The following CHCHD6 variants were observed in gnomAD, a reference collection of about 807,000 sequenced individuals.
The protein encoded by CHCHD6 is MICOS complex subunit MIC25.
A neutral mutation model predicts 32.3 loss-of-function variants in CHCHD6; 28 were observed. That is an observed-to-expected ratio of 0.87 (90% CI 0.64 to 1.19). The LOEUF is 1.19. Ranked by LOEUF, CHCHD6 falls within the 50% of genes most tolerant of loss-of-function variation. CHCHD6 has a pLI of 0.00. For missense variants in CHCHD6, 333 were observed against 307.0 expected (o/e 1.08, Z -0.63); for synonymous variants, 122 against 117.5 (o/e 1.04, Z -0.25).
At chr3:126,775,830 C>G (rs560871329) in intron 4 of CHCHD6, among the ~76,000 whole-genome samples, 1 of 152,182 alleles carries the variant, frequency 6.6e-6, no homozygotes, top group Non-Finnish European at 1.5e-5. Flanking sequence ...CAGAACTGTT[C>G]CGGTAAAGGA....
At chr3:126,852,573 GT>G in intron 4 of CHCHD6, 73 bp from the exon 5 acceptor site, 1 of 1,033,888 alleles carries the variant, frequency 9.7e-7, no homozygotes. Flanking sequence ...AGAAATGTCC[GT>G]CGCCTTCTCC....
rs72982814 is a variant in CHCHD6, at chr3:126,935,037, C to T, written c.566+20287C>T. 2.5e-4 allele frequency: 164 copies of T among 647,122 alleles called. No individual in the cohort carries two copies. In the African/African-American group the frequency reaches 3.0e-3, roughly 12 times the overall value. The allele number at this position is 647,122 out of a possible 1,614,324, so 40.1% of individuals were successfully genotyped here. On this transcript the variant is annotated intron_variant, in intron 6 of 7. Transcript: ENST00000290913. ...ATGAAACAGTTCCATTTTAAAGACA[C>T]GTCTAATCAGAGTTGGGAATCGTTT... is the stretch of plus-strand genomic sequence containing the variant.
At position 126,949,583 on chromosome 3, in the gene CHCHD6, CCCGGA is replaced by C. The variant is rs1411835390; in HGVS notation, c.567-7831_567-7827del. ...CCGTGGACGGAAGGGAAGGCTGCTG[CCCGGA>C]CTGCCGCCGTGGACGGAAGGGAAGG... On this transcript the variant is annotated intron_variant, in intron 6 of 7. Transcript: ENST00000290913. The C allele has an allele frequency of 9.3e-4, 156 of 167,260 alleles. 2 individuals are homozygous for C. The highest frequency in any genetic ancestry group is 3.0e-3 in the Admixed American group (44 of 14,450). The allele number at this position is 167,260 out of a possible 1,614,324, so 10.4% of individuals were successfully genotyped here. A position where few individuals can be genotyped will look rare whatever the true frequency, so the allele number is the denominator to read the frequency against.
chr3:126,913,180 G>A (rs889486938), intron 5 of CHCHD6, among the ~76,000 whole-genome samples: 5 of 140,888 alleles, frequency 3.5e-5, no homozygotes, highest in Non-Finnish European at 6.1e-5. Context: ...TCTGTAGAAC[G>A]GGGATAATCA....
intron 4 of CHCHD6, among the ~76,000 whole-genome samples, chr3:126,833,699 C>G (rs934806022): frequency 2.0e-5 from 3 of 152,124 alleles, no homozygotes; most frequent in Non-Finnish European, 4.4e-5. Flanking sequence ...TACAACCTCT[C>G]GAGAAGATTG....
At chr3:126,939,488 T>TTG (rs1269450555) in intron 6 of CHCHD6, among the ~76,000 whole-genome samples, 5 of 152,164 alleles carry the variant, frequency 3.3e-5, no homozygotes, top group African/African-American at 4.8e-5. Flanking sequence ...CTGTGTGTGT[T>TTG]TGTGTGTGTG....
At chr3:126,708,654 A>G (rs1323076171) in intron 1 of CHCHD6, among the ~76,000 whole-genome samples, 2 of 151,914 alleles carry the variant, frequency 1.3e-5, no homozygotes, top group Non-Finnish European at 2.9e-5. Context: ...TCTCTTGAAA[A>G]AAAAAAAAAA....
intron 5 of CHCHD6, among the ~76,000 whole-genome samples, chr3:126,897,472 T>G (rs2077857764): frequency 6.6e-6 from 1 of 152,250 alleles, no homozygotes; most frequent in African/African-American, 2.4e-5. Context: ...ATCCTGTGCC[T>G]GTTCCTTACT....
chr3:126,940,641 A>G (rs144745540), intron 6 of CHCHD6, among the ~76,000 whole-genome samples: 28 of 152,348 alleles, frequency 1.8e-4, no homozygotes, highest in African/African-American at 6.3e-4. Flanking sequence ...CTAACCCTTC[A>G]AAAGAAAAAT....
chr3:126,905,162 G>A (rs2077987333), intron 5 of CHCHD6, among the ~76,000 whole-genome samples: 1 of 152,206 alleles, frequency 6.6e-6, no homozygotes, highest in African/African-American at 2.4e-5. Flanking sequence ...GGTTGGCCAA[G>A]CATTAAGCCA....
chr3:126,721,215 G>A (rs1935273628), intron 1 of CHCHD6, among the ~76,000 whole-genome samples: 1 of 152,168 alleles, frequency 6.6e-6, no homozygotes, highest in Admixed American at 6.5e-5. Flanking sequence ...CCTCGGGATG[G>A]TTGGACCTCT....
rs386397861 is a variant in CHCHD6 at position 126,934,536 on chromosome 3, C to CTTTTTT, written c.566+19811_566+19816dup. ...CTTGGAATGCACCCTCCCCTCTCTG[C>CTTTTTT]TTTTTTTTTTTTTTTTTTTTTTTTT... On this transcript the variant is annotated intron_variant, in intron 6 of 7. Transcript: ENST00000290913. Among the ~76,000 whole-genome samples the CTTTTTT allele has an allele frequency of 2.9e-4, 17 of 58,246 alleles. 2 individuals carry two copies. Among genetic ancestry groups the CTTTTTT allele is most frequent in the African/African-American group, 7.9e-4 (11 of 14,002 alleles). 38.2% of individuals were successfully genotyped at this position (58,246 alleles called of 152,430 possible). A position where few individuals can be genotyped will look rare whatever the true frequency, so the allele number is the denominator to read the frequency against.
In CHCHD6 at chr3:126,759,659, C is replaced by T. The variant is rs376767838; in HGVS notation, c.411+26437C>T. Among the ~76,000 whole-genome samples the T allele has an allele frequency of 9.9e-5, 15 of 152,196 alleles. No individual in the cohort carries two copies. In the East Asian group the frequency reaches 1.5e-3, roughly 16 times the overall value. On this transcript the variant is annotated intron_variant, in intron 4 of 7. Transcript: ENST00000290913. The stretch of plus-strand genomic sequence containing the variant: ...AATGGTTTGGTCAAATAGGCGCTAC[C>T]GGGTGATTTTTTGCTCTCCTCACTG...
intron 4 of CHCHD6, among the ~76,000 whole-genome samples, chr3:126,772,795 A>G (rs1352448866): frequency 6.6e-6 from 1 of 152,010 alleles, no homozygotes; most frequent in East Asian, 1.9e-4. Context: ...GTTTATTCAG[A>G]TTTGTTTGTG....
At chr3:126,861,836 T>C (rs1189310705) in intron 5 of CHCHD6, among the ~76,000 whole-genome samples, 11 of 26,794 alleles carry the variant, frequency 4.1e-4, no homozygotes, top group Admixed American at 7.5e-4. Flanking sequence ...TCCTCCACCA[T>C]CACCACCTCC....
At chr3:126,919,621 A>ATTTTTTTTTTTTTTTTTTT (rs35228420) in intron 6 of CHCHD6, among the ~76,000 whole-genome samples, 2 of 127,192 alleles carry the variant, frequency 1.6e-5, no homozygotes, top group Non-Finnish European at 3.3e-5. Context: ...GCTGGCCTTC[A>ATTTTTTTTTTTTTTTTTTT]TTTTTTTTTT....
At chr3:126,957,585 G>A in intron 7 of CHCHD6, 34 bp downstream of exon 7, 1 of 1,550,276 alleles carries the variant, frequency 6.5e-7, no homozygotes, top group South Asian at 1.2e-5. Context: ...GTTTCCAAGG[G>A]CCTTGGGAGG....
At chr3:126,804,016 G>A (rs1160773110) in intron 4 of CHCHD6, among the ~76,000 whole-genome samples, 4 of 152,050 alleles carry the variant, frequency 2.6e-5, no homozygotes, top group African/African-American at 9.7e-5. Flanking sequence ...TTAAACCAAC[G>A]AGAACAAAGA....
At chr3:126,728,673 G>C (rs988169204) in intron 2 of CHCHD6, among the ~76,000 whole-genome samples, 3 of 152,190 alleles carry the variant, frequency 2.0e-5, no homozygotes, top group Non-Finnish European at 2.9e-5. Context: ...ACTCGAAAGA[G>C]GGAGAAAGTG....
Sources: allele counts gnomAD v4.1 joint callset (sites outside exome capture counted in the v4.1 genomes callset), GRCh38; gene constraint gnomAD v4.1.1; transcripts MANE v1.5; gene names NCBI Gene and HGNC (gene_info 2026-07-23, HGNC 2026-07-21).